Variants in EML5 observed in about 807,000 individuals in gnomAD.
The protein encoded by EML5 is EMAP like 5, also known as echinoderm microtubule-associated protein-like 5.
A neutral mutation model predicts 250.0 loss-of-function variants in EML5; 120 were observed. The ratio of observed to expected loss-of-function variants is 0.48; its 90% confidence interval spans 0.41 to 0.56. The LOEUF (loss-of-function observed/expected upper bound fraction) is 0.56. EML5 is among the 20% of genes least tolerant of loss of function. The probability of loss-of-function intolerance (pLI) is 0.00; values close to 1 mark genes in which losing one functional copy is unlikely to be tolerated. For synonymous variants in EML5, 771 were observed against 806.5 expected (o/e 0.96, Z 0.75); for missense variants, 2,006 against 2,437.6 (o/e 0.82, Z 3.73).
rs2093675289 is a variant in EML5, at chr14:88,726,947, T to TA, written c.1050-270dup. 3.3e-5 allele frequency among the ~76,000 whole-genome samples: 5 copies of TA among 152,142 alleles called. No individual in the cohort carries two copies. In the South Asian group the frequency reaches 1.0e-3, roughly 31 times the overall value. On this transcript the variant is annotated intron_variant, in intron 7 of 43. Transcript: ENST00000554922. ...GCAGTGGCGTGATCATAGCTTACTA[T>TA]AACCTTGACCCTGTGGGCTCAAGCA...
chr14:88,693,553 G>T (rs2093006879), intron 17 of EML5, among the ~76,000 whole-genome samples: 1 of 152,144 alleles, frequency 6.6e-6, no homozygotes, highest in Non-Finnish European at 1.5e-5. Context: ...GGTGAGATTT[G>T]GGTGGGGACA....
At chr14:88,715,758 A>G (rs2139927987) in intron 8 of EML5, among the ~76,000 whole-genome samples, 1 of 151,932 alleles carries the variant, frequency 6.6e-6, no homozygotes, top group South Asian at 2.1e-4. Context: ...CTGGGGATCA[A>G]GCGATTCTCA....
At chr14:88,787,510 A>G (rs911163150) in intron 1 of EML5, among the ~76,000 whole-genome samples, 4 of 152,250 alleles carry the variant, frequency 2.6e-5, no homozygotes, top group Non-Finnish European at 5.9e-5. Context: ...AAGGAAAATA[A>G]TTAAATGTAA....
intron 6 of EML5, among the ~76,000 whole-genome samples, chr14:88,738,417 G>GAA (rs538196237): frequency 3.5e-4 from 47 of 135,348 alleles, no homozygotes; most frequent in East Asian, 1.9e-3. Context: ...ATCCCCAAGA[G>GAA]AAAAAAAAAA....
intron 4 of EML5, among the ~76,000 whole-genome samples, chr14:88,743,797 G>A (rs1351746046): frequency 6.6e-6 from 1 of 151,906 alleles, no homozygotes; most frequent in East Asian, 1.9e-4. Context: ...ATTTCTTTAT[G>A]GAATGTGGCT....
chr14:88,642,472 A>G (rs1203893369), intron 31 of EML5, among the ~76,000 whole-genome samples: 2 of 152,152 alleles, frequency 1.3e-5, no homozygotes, highest in African/African-American at 2.4e-5. Context: ...CCAAGGCCTC[A>G]GTAAGAACAC....
At chr14:88,618,059 T>C (rs1451821692) in intron 41 of EML5, 169 bp downstream of exon 41, 2 of 433,980 alleles carry the variant, frequency 4.6e-6, no homozygotes, top group Non-Finnish European at 8.1e-6. Context: ...CATGGAAATA[T>C]ATTCAATAAA....
At position 88,714,084 on chromosome 14, in the gene EML5, C is replaced by T. The variant is rs576483095; in HGVS notation, c.1444+855G>A. On this transcript the variant is annotated intron_variant, in intron 9 of 43. Transcript: ENST00000554922. ...AACTCCTGGGCTCAAGCTGTCGGTCCACTGTGGCCTCCCAAAGTGCTGGGA... is the reference window on the plus strand; with the variant it reads ...AACTCCTGGGCTCAAGCTGTCGGTCTACTGTGGCCTCCCAAAGTGCTGGGA... 3.3e-5 allele frequency among the ~76,000 whole-genome samples: 5 copies of T among 152,028 alleles called. No homozygotes were observed. In the East Asian group the frequency reaches 5.8e-4, roughly 18 times the overall value.
chr14:88,758,791 C>T (rs1390144038), intron 1 of EML5, among the ~76,000 whole-genome samples: 1 of 152,040 alleles, frequency 6.6e-6, no homozygotes, highest in African/African-American at 2.4e-5. Context: ...GACTGAATCA[C>T]GAATAAAATG....
chr14:88,661,925 C>A, intron 24 of EML5, 95 bp from the exon 25 acceptor site: 1 of 1,117,472 alleles, frequency 8.9e-7, no homozygotes, highest in Non-Finnish European at 1.2e-6. Context: ...TTATGTGTGT[C>A]ACAAGTAAAA....
intron 19 of EML5, 119 bp from the exon 20 acceptor site, chr14:88,685,261 T>A: frequency 1.3e-6 from 1 of 773,392 alleles, no homozygotes; most frequent in Non-Finnish European, 1.9e-6. Context: ...TTCTCCTGTA[T>A]TTTAAGTATT....
intron 10 of EML5, 81 bp downstream of exon 10, chr14:88,712,190 T>A: frequency 1.0e-6 from 1 of 955,922 alleles, no homozygotes; most frequent in Admixed American, 2.5e-5. Context: ...TGAAATCCTT[T>A]ATCTCAAGAC....
intron 9 of EML5, 57 bp downstream of exon 9, chr14:88,714,882 A>G: frequency 6.6e-7 from 1 of 1,512,318 alleles, no homozygotes; most frequent in Non-Finnish European, 8.9e-7. Context: ...TGCTTCCAGT[A>G]AAACTCTAAA....
At chr14:88,650,816 A>G (rs1008801829) in intron 27 of EML5, among the ~76,000 whole-genome samples, 1 of 151,804 alleles carries the variant, frequency 6.6e-6, no homozygotes, top group Non-Finnish European at 1.5e-5. Context: ...TAATTTTTCT[A>G]TTTTTTGTAG....
At chr14:88,765,687 G>C (rs944746327) in intron 1 of EML5, among the ~76,000 whole-genome samples, 1 of 152,214 alleles carries the variant, frequency 6.6e-6, no homozygotes, top group Non-Finnish European at 1.5e-5. Context: ...CCAGGAATTA[G>C]AGTATGGATA....
At chr14:88,753,271 G>A (rs2094121510) in intron 2 of EML5, among the ~76,000 whole-genome samples, 1 of 152,092 alleles carries the variant, frequency 6.6e-6, no homozygotes, top group South Asian at 2.1e-4. Context: ...CCAACTAAAC[G>A]AGCTACACCC....
At chr14:88,682,520 G>A (rs1056480088) in intron 20 of EML5, among the ~76,000 whole-genome samples, 14 of 152,018 alleles carry the variant, frequency 9.2e-5, no homozygotes, top group Non-Finnish European at 2.1e-4. Flanking sequence ...AGAACAGTGA[G>A]AGTCTACGGT....
intron 31 of EML5, among the ~76,000 whole-genome samples, chr14:88,641,175 A>G (rs1373208416): frequency 1.3e-5 from 2 of 152,148 alleles, no homozygotes; most frequent in Non-Finnish European, 1.5e-5. Flanking sequence ...GAATTCTCCC[A>G]GACATACAAA....
In EML5 at chr14:88,657,494, TG is replaced by T; in HGVS notation, c.3885del (p.Asp1295GlufsTer25). The T allele has an allele frequency of 6.3e-7, 1 of 1,598,194 alleles. No homozygotes were observed. Among genetic ancestry groups the T allele is most frequent in the South Asian group, 1.1e-5 (1 of 87,162 alleles). On this transcript the variant is annotated frameshift_variant, in exon 27 of 44. Coordinates refer to ENST00000554922, the MANE Select transcript of EML5 (RefSeq NM_183387.3). LOFTEE classifies it high-confidence loss of function. The stretch of plus-strand genomic sequence containing the variant: ...ATTTCATTCTCCCTTGTAACATCAC[TG>T]TCATAGCCTACAATAAAAATATACG... ...DIDSEEDGGY[D>X]SDVTRENEIS... is the part of the protein sequence containing the mutation.
Sources: allele counts gnomAD v4.1 joint callset (sites outside exome capture counted in the v4.1 genomes callset), GRCh38; gene constraint gnomAD v4.1.1; transcripts MANE v1.5; gene names NCBI Gene and HGNC (gene_info 2026-07-23, HGNC 2026-07-21).